The following IRF8 variants were observed in gnomAD, a reference collection of about 807,000 sequenced individuals.
IRF8 encodes interferon regulatory factor 8, also known as interferon consensus sequence binding protein 1.
IRF8 carries 14 observed loss-of-function variants against 48.7 expected under a neutral mutation model. The ratio of observed to expected loss-of-function variants is 0.29; its 90% CI spans 0.19 to 0.45. IRF8 has a LOEUF of 0.45. Ranked by LOEUF, IRF8 falls within the 20% of genes least tolerant of loss-of-function variation. IRF8 has a pLI of 1.00. For synonymous variants in IRF8, 278 were observed against 227.3 expected (o/e 1.22, Z -2.01); for missense variants, 493 against 580.7 (o/e 0.85, Z 1.55).
chr16:85,915,456 AGGAAAACTGTCGAGATG>A (rs879500415), intron 6 of IRF8, among the ~76,000 whole-genome samples: 41 of 152,242 alleles, frequency 2.7e-4, no homozygotes, highest in Non-Finnish European at 5.1e-4. Context: ...TCACCCAGGC[AGGAAAACTGTCGAGATG>A]GCAATGCCCT....
intron 6 of IRF8, among the ~76,000 whole-genome samples, chr16:85,915,638 G>C (rs1164695280): frequency 1.3e-5 from 2 of 152,228 alleles, no homozygotes; most frequent in African/African-American, 4.8e-5. Flanking sequence ...AGGCCTCCTT[G>C]TGCCCGGCAG....
intron 5 of IRF8, 52 bp from the exon 6 acceptor site, chr16:85,914,421 C>G (rs761557130): frequency 1.1e-5 from 17 of 1,611,458 alleles, no homozygotes; most frequent in Non-Finnish European, 1.4e-5. Flanking sequence ...GGGTTACTCC[C>G]TGTACACCAC....
chr16:85,918,218 C>A (rs1427347376), intron 6 of IRF8, 199 bp from the exon 7 acceptor site: 1 of 602,104 alleles, frequency 1.7e-6, no homozygotes, highest in East Asian at 2.8e-5. Flanking sequence ...TCATTGGTTT[C>A]CTTAGTCATT....
chr16:85,920,223 A>G lies in IRF8; in HGVS notation c.1103A>G (p.Gln368Arg), dbSNP rs751834077. The change falls in exon 8 of 9, where the codon CAG (glutamine) becomes CGG (arginine). Residue 368 changes from glutamine (Q) to arginine (R), a missense_variant and splice_region_variant. Physicochemically the swap from Gln to Arg is conservative, Grantham distance 43. This residue lies in a region of IRF8 where 408 missense variants were observed against 449.6 expected (regional missense o/e 0.91). Coordinates refer to ENST00000268638, the MANE Select transcript of IRF8 (RefSeq NM_002163.4). ...TTGCGCTCCAAACTCATTCTCGTGCAGGTAAGTATGGGCAGCTTTTTTTTT... is the reference window on the plus strand; with the variant it reads ...TTGCGCTCCAAACTCATTCTCGTGCGGGTAAGTATGGGCAGCTTTTTTTTT... ...APLRSKLILVQIEQLYVRQLA... is the reference protein window; with the variant it reads ...APLRSKLILVRIEQLYVRQLA... The G allele has an allele frequency of 7.7e-6, 9 of 1,164,546 alleles. No individual in the cohort carries two copies. In the East Asian group the frequency reaches 2.2e-4, roughly 29 times the overall value. The allele number at this position is 1,164,546 out of a possible 1,614,324, so 72.1% of individuals were successfully genotyped here.
chr16:85,914,795 G>C (rs1905251152), intron 6 of IRF8, among the ~76,000 whole-genome samples: 1 of 152,080 alleles, frequency 6.6e-6, no homozygotes, highest in African/African-American at 2.4e-5. Flanking sequence ...ACCTCGTGTG[G>C]AAGTCTAGGC....
At chr16:85,918,930 G>C in intron 7 of IRF8, 127 bp downstream of exon 7, 1 of 1,239,200 alleles carries the variant, frequency 8.1e-7, no homozygotes, top group Non-Finnish European at 1.2e-6. Context: ...GAGGGGCATG[G>C]TGTGGCAAGG....
intron 1 of IRF8, among the ~76,000 whole-genome samples, chr16:85,899,826 A>G (rs1904769856): frequency 6.6e-6 from 1 of 152,312 alleles, no homozygotes; most frequent in Admixed American, 6.5e-5. Context: ...AATTTATTGA[A>G]AGAACATTGT....
intron 1 of IRF8, among the ~76,000 whole-genome samples, chr16:85,899,967 ACCAATGGCC>A (rs1904776792): frequency 6.6e-6 from 1 of 152,208 alleles, no homozygotes; most frequent in Admixed American, 6.5e-5. Context: ...AGTCTCCCCA[ACCAATGGCC>A]CCCCACTTTC....
intron 2 of IRF8, 76 bp from the exon 3 acceptor site, chr16:85,908,914 G>T: frequency 2.4e-6 from 3 of 1,237,606 alleles, no homozygotes; most frequent in Non-Finnish European, 3.6e-6. Context: ...AGGATGTGTG[G>T]GGTCCTGGTC....
At chr16:85,914,406 G>T in intron 5 of IRF8, 67 bp from the exon 6 acceptor site, 1 of 1,591,146 alleles carries the variant, frequency 6.3e-7, no homozygotes, top group South Asian at 1.1e-5. Context: ...GAGAAGGAGC[G>T]ATTGGGGTTA....
In IRF8 at chr16:85,911,622, G is replaced by C. The variant is rs773694139; in HGVS notation, c.411G>C (p.Glu137Asp). Residue 137 changes from glutamate to aspartate, a missense_variant, in exon 4 of 9, where the codon GAG (glutamate) becomes GAC (aspartate). By Grantham distance (45) the Glu-to-Asp change is conservative. This residue lies in a region of IRF8 where 408 missense variants were observed against 449.6 expected (regional missense o/e 0.91). Transcript: ENST00000268638. ...GCGTGAATGAAGTTACAGAGATGGA[G>C]TGCGGTCGCTCTGAAATCGACGAGC... Reference protein sequence around the residue: ...AGCVNEVTEMECGRSEIDELI... With the variant: ...AGCVNEVTEMDCGRSEIDELI... 1 of 1,614,160 alleles carries C rather than the reference G, an allele frequency of 6.2e-7. No homozygotes were observed. Among genetic ancestry groups the C allele is most frequent in the Admixed American group, 1.7e-5 (1 of 60,032 alleles).
rs1177860791 is a variant in IRF8, at chr16:85,904,812, C to CTTTTTTTTTTTTT, written c.174+1631_174+1643dup. On this transcript the variant is annotated intron_variant, in intron 2 of 8. Coordinates refer to ENST00000268638, the MANE Select transcript of IRF8 (RefSeq NM_002163.4). Reference sequence around the variant, plus strand: ...ATTTCTCTCTTGTTTGATTGCAGATCTTTTTTTTTTTTTTTTTTTTGCCTT... The same window carrying CTTTTTTTTTTTTT: ...ATTTCTCTCTTGTTTGATTGCAGATCTTTTTTTTTTTTTTTTTTTTTTTTTTTTTTTTTGCCTT... Among the ~76,000 whole-genome samples the CTTTTTTTTTTTTT allele has an allele frequency of 3.1e-4, 27 of 87,630 alleles. 3 individuals carry two copies. Among genetic ancestry groups the CTTTTTTTTTTTTT allele is most frequent in the African/African-American group, 8.9e-4 (18 of 20,286 alleles). 57.5% of individuals were successfully genotyped at this position (87,630 alleles called of 152,430 possible). A position where few individuals can be genotyped will look rare whatever the true frequency, so the allele number is the denominator to read the frequency against.
At chr16:85,916,055 T>C (rs1478473661) in intron 6 of IRF8, among the ~76,000 whole-genome samples, 3 of 152,206 alleles carry the variant, frequency 2.0e-5, no homozygotes, top group African/African-American at 7.2e-5. Flanking sequence ...ATATGAGCTG[T>C]GTAGACCATA....
chr16:85,912,984 C>T (rs750535283), intron 4 of IRF8, 147 bp from the exon 5 acceptor site: 177 of 757,128 alleles, frequency 2.3e-4, no homozygotes, highest in Non-Finnish European at 3.9e-4. Flanking sequence ...TTTCAGGTTG[C>T]AAAGTGAAAC....
At chr16:85,913,679 A>G (rs1216366085) in intron 5 of IRF8, among the ~76,000 whole-genome samples, 8 of 152,202 alleles carry the variant, frequency 5.3e-5, no homozygotes, top group African/African-American at 1.9e-4. Flanking sequence ...TTTGGAGGAG[A>G]GGAGAACTCA....
rs762476017 is a variant in IRF8, at chr16:85,914,458, C to T, written c.554-15C>T. On this transcript the variant is annotated splice_polypyrimidine_tract_variant and intron_variant, in intron 5 of 8. Coordinates refer to ENST00000268638, the MANE Select transcript of IRF8 (RefSeq NM_002163.4). Reference sequence around the variant, plus strand: ...CCTGGGTGGCTCTGAGCTTGCTTTTCTGTTTCTCCTGCAGGCGTGCCGCTG... The same window carrying T: ...CCTGGGTGGCTCTGAGCTTGCTTTTTTGTTTCTCCTGCAGGCGTGCCGCTG... 1.2e-6 allele frequency: 2 copies of T among 1,614,146 alleles called. No individual in the cohort carries two copies. Among genetic ancestry groups the T allele is most frequent in the East Asian group, 2.2e-5 (1 of 44,872 alleles).
rs375589733 is a variant in IRF8 at position 85,914,467 on chromosome 16, C to T, written c.554-6C>T. ...CTCTGAGCTTGCTTTTCTGTTTCTC[C>T]TGCAGGCGTGCCGCTGGTGACGGGG... On this transcript the variant is annotated splice_polypyrimidine_tract_variant and splice_region_variant and intron_variant, in intron 5 of 8. Transcript: ENST00000268638. 1 of 1,614,170 alleles carries T rather than the reference C, an allele frequency of 6.2e-7. No individual in the cohort carries two copies. Among genetic ancestry groups the T allele is most frequent in the African/African-American group, 1.3e-5 (1 of 75,068 alleles).
chr16:85,907,705 AAAT>A (rs1002607269), intron 2 of IRF8, among the ~76,000 whole-genome samples: 2 of 152,128 alleles, frequency 1.3e-5, no homozygotes, highest in African/African-American at 4.8e-5. Flanking sequence ...AAATAAATAA[AAAT>A]AAAAAATAAA....
chr16:85,913,721 A>G (rs8051462), intron 5 of IRF8, among the ~76,000 whole-genome samples: 72,129 of 152,088 alleles, frequency 0.47, 17,485 homozygotes, highest in African/African-American at 0.55. Context: ...TCAGAGCCCT[A>G]GATTTGAATC....
Sources: gnomAD v4.1 joint callset for allele counts (sites outside exome capture counted in the v4.1 genomes callset) on GRCh38, gnomAD v4.1.1 for gene constraint, gnomAD v4.1.1 regional missense constraint, MANE v1.5 for transcripts, NCBI Gene and HGNC (gene_info 2026-07-23, HGNC 2026-07-21) for gene names.